Variants in OTOGL observed in about 807,000 individuals in gnomAD.
OTOGL encodes the protein otogelin like, also known as otogelin-like protein.
A neutral mutation model predicts 318.5 loss-of-function variants in OTOGL; 285 were observed. The observed-to-expected ratio is 0.89, with a 90% CI of 0.81 to 0.99. The LOEUF (loss-of-function observed/expected upper bound fraction) is 0.99, where lower values mean the gene tolerates loss of function less well. Among genes scored for constraint, OTOGL ranks in the 50% least tolerant of loss-of-function variants. OTOGL has a pLI of 0.00. For synonymous variants in OTOGL, 987 were observed against 936.5 expected, an observed-to-expected ratio of 1.05 and a Z score of -0.99; for missense variants, 2,899 against 2,845.6, an observed-to-expected ratio of 1.02 and a Z score of -0.43.
At chr12:80,357,998 A>G (rs1353239925) in intron 49 of OTOGL, among the ~76,000 whole-genome samples, 1 of 152,206 alleles carries the variant, frequency 6.6e-6, no homozygotes, top group Non-Finnish European at 1.5e-5. Context: ...AGAACAAATT[A>G]CCTAGGAAAT....
Position 80,313,643 on chromosome 12 carries a change from T to C in OTOGL, c.3607+11T>C. The C allele has an allele frequency of 1.3e-6, 2 of 1,598,558 alleles. No homozygotes were observed. The highest frequency in any genetic ancestry group is 1.7e-6 in the Non-Finnish European group (2 of 1,168,656). Reference sequence around the variant, plus strand: ...CATCTACTGTTTGTTGTAAGTACCCTACTTAGAACATCATTATGTAGAGAA... The same window carrying C: ...CATCTACTGTTTGTTGTAAGTACCCCACTTAGAACATCATTATGTAGAGAA... On this transcript the variant is annotated intron_variant, in intron 31 of 58. Coordinates refer to ENST00000547103, the MANE Select transcript of OTOGL (RefSeq NM_001378609.3).
intron 1 of OTOGL, among the ~76,000 whole-genome samples, chr12:80,191,230 G>A (rs940570725): frequency 1.9e-4 from 29 of 152,222 alleles, no homozygotes; most frequent in Admixed American, 6.5e-5. Flanking sequence ...CTGAAGTCAG[G>A]AGTTCAAGAC....
intron 30 of OTOGL, among the ~76,000 whole-genome samples, chr12:80,311,424 T>C (rs1886627502): frequency 6.6e-6 from 1 of 152,204 alleles, no homozygotes; most frequent in Non-Finnish European, 1.5e-5. Flanking sequence ...ATATTTTCTT[T>C]CTTTCTTTCT....
chr12:80,250,409 A>G (rs73358926), intron 11 of OTOGL, among the ~76,000 whole-genome samples: 4,773 of 152,224 alleles, frequency 0.031, 291 homozygotes, highest in African/African-American at 0.11. Flanking sequence ...TATTATAGTA[A>G]TAGTTGCATT....
intron 44 of OTOGL, among the ~76,000 whole-genome samples, chr12:80,345,042 AT>A (rs1447047309): frequency 2.3e-4 from 29 of 127,424 alleles, no homozygotes; most frequent in East Asian, 8.2e-4. Flanking sequence ...TATAACATAT[AT>A]TATTATATGT....
chr12:80,202,420 G>A (rs1156396849), intron 1 of OTOGL, among the ~76,000 whole-genome samples: 2 of 151,792 alleles, frequency 1.3e-5, no homozygotes, highest in African/African-American at 4.8e-5. Flanking sequence ...ACAGGCACTC[G>A]ACACCACGCC....
chr12:80,263,959 T>TTA (rs1216711649), intron 19 of OTOGL, among the ~76,000 whole-genome samples: 1 of 152,130 alleles, frequency 6.6e-6, no homozygotes, highest in Non-Finnish European at 1.5e-5. Flanking sequence ...TCATTTGTTT[T>TTA]TATATACATA....
chr12:80,234,763 T>C lies in OTOGL; in HGVS notation c.817+1666T>C, dbSNP rs567174100. Among the ~76,000 whole-genome samples, 11 of 152,270 alleles carry C rather than the reference T, an allele frequency of 7.2e-5. 1 individual carries two copies. In the South Asian group the frequency reaches 2.1e-3, roughly 29 times the overall value. Reference sequence around the variant, plus strand: ...TAAAATGCAAATGTTTTGCTCAAGATAGATAATGCATCGTCAGGATTAGTT... The same window carrying C: ...TAAAATGCAAATGTTTTGCTCAAGACAGATAATGCATCGTCAGGATTAGTT... On this transcript the variant is annotated intron_variant, in intron 9 of 58. Transcript: ENST00000547103.
intron 52 of OTOGL, among the ~76,000 whole-genome samples, chr12:80,360,636 C>A (rs992276150): frequency 6.6e-6 from 1 of 151,822 alleles, no homozygotes; most frequent in African/African-American, 2.4e-5. Flanking sequence ...CGTGTGCCAC[C>A]ACGCCCAGCT....
intron 36 of OTOGL, 48 bp from the exon 37 acceptor site, chr12:80,329,003 A>C: frequency 6.7e-7 from 1 of 1,501,140 alleles, no homozygotes; most frequent in Non-Finnish European, 9.0e-7. Context: ...TGTGGGTCTA[A>C]TTTTATGCAA....
chr12:80,192,129 A>G (rs1394327624), intron 1 of OTOGL, among the ~76,000 whole-genome samples: 1 of 152,146 alleles, frequency 6.6e-6, no homozygotes, highest in African/African-American at 2.4e-5. Context: ...GTTTGGATAC[A>G]TTGTTTTGTC....
chr12:80,210,784 TG>T, intron 2 of OTOGL, 62 bp from the exon 3 acceptor site: 1 of 1,136,306 alleles, frequency 8.8e-7, no homozygotes, highest in Non-Finnish European at 1.2e-6. Flanking sequence ...TTTAAACAAC[TG>T]GAACATGTAG....
At chr12:80,219,540 A>T (rs1878091927) in intron 5 of OTOGL, among the ~76,000 whole-genome samples, 1 of 152,166 alleles carries the variant, frequency 6.6e-6, no homozygotes, top group Admixed American at 6.5e-5. Flanking sequence ...CTTACATGGG[A>T]ACTTGACCTT....
chr12:80,199,048 A>ATCCTGTTTAT (rs1876284549), intron 1 of OTOGL, among the ~76,000 whole-genome samples: 1 of 152,204 alleles, frequency 6.6e-6, no homozygotes, highest in South Asian at 2.1e-4. Context: ...CATGCACACA[A>ATCCTGTTTAT]TCCTGTTTAT....
intron 55 of OTOGL, 77 bp downstream of exon 55, chr12:80,368,386 C>CCG (rs1890683948): frequency 1.3e-5 from 11 of 874,704 alleles, no homozygotes; most frequent in Non-Finnish European, 2.0e-5. Context: ...GAAAATGTCC[C>CCG]CCCCCACACA....
rs114518242 is a variant in OTOGL, at chr12:80,344,552, G to A, written c.5265+2390G>A. On this transcript the variant is annotated intron_variant, in intron 44 of 58. Transcript: ENST00000547103. ...TTAAAGTGTGTGGGTTTTGTTTATT[G>A]TAGAAACGTAAATGGGCATCAAATT... 5.9e-3 allele frequency among the ~76,000 whole-genome samples: 902 copies of A among 152,194 alleles called. 13 individuals are homozygous for A. Among genetic ancestry groups the A allele is most frequent in the African/African-American group, 0.021 (853 of 41,522 alleles).
At chr12:80,308,434 C>A (rs1886381777) in intron 29 of OTOGL, among the ~76,000 whole-genome samples, 1 of 152,070 alleles carries the variant, frequency 6.6e-6, no homozygotes, top group South Asian at 2.1e-4. Flanking sequence ...ATGCTCCTCA[C>A]TTCCCAGATG....
At chr12:80,103,261 T>C (rs1475310267) in intron 1 of OTOGL, 8 of 1,545,168 alleles carry the variant, frequency 5.2e-6, no homozygotes. Context: ...TTCCTTCGAA[T>C]GTGGGAAGGT....
intron 26 of OTOGL, among the ~76,000 whole-genome samples, chr12:80,293,184 GTC>G (rs35722958): frequency 0.032 from 4,928 of 152,046 alleles, 267 homozygotes; most frequent in African/African-American, 0.11. Context: ...AATTTAATCT[GTC>G]TCTCTCTTCC....
Sources: gnomAD v4.1 joint callset for allele counts (sites outside exome capture counted in the v4.1 genomes callset) on GRCh38, gnomAD v4.1.1 for gene constraint, MANE v1.5 for transcripts, NCBI Gene and HGNC (gene_info 2026-07-23, HGNC 2026-07-21) for gene names.